Variants in LRIG1 observed in about 807,000 individuals in gnomAD.
LRIG1 encodes leucine rich repeats and immunoglobulin like domains 1.
LRIG1 carries 48 observed loss-of-function variants against 99.2 expected under a neutral mutation model. The observed-to-expected ratio is 0.48, with a 90% CI of 0.38 to 0.62. The LOEUF is 0.62. LRIG1 is among the 20% of genes least tolerant of loss of function. The probability of loss-of-function intolerance (pLI) is 0.00; values close to 1 mark genes in which losing one functional copy is unlikely to be tolerated. For missense variants in LRIG1, 1,646 were observed against 1,434.4 expected (o/e 1.15, Z -2.38); for synonymous variants, 772 against 596.1 (o/e 1.29, Z -4.30).
chr3:66,497,256 C>G (rs976546980), intron 1 of LRIG1, among the ~76,000 whole-genome samples: 6 of 152,220 alleles, frequency 3.9e-5, no homozygotes, highest in African/African-American at 1.4e-4. Context: ...AAACTAGCAA[C>G]ATTTTGTGAC....
intron 10 of LRIG1, 51 bp from the exon 11 acceptor site, chr3:66,398,234 G>C (rs78591929): frequency 7.0e-7 from 1 of 1,418,824 alleles, no homozygotes; most frequent in Non-Finnish European, 1.0e-6. Flanking sequence ...GTACACCTGA[G>C]GGGTTTTCAG....
At chr3:66,383,948 T>TCACACA (rs3830215) in intron 14 of LRIG1, 43 bp downstream of exon 14, 356,171 of 1,510,120 alleles carry the variant, frequency 0.24, 8,120 homozygotes, top group East Asian at 0.41. Flanking sequence ...TCTCTCTCGC[T>TCACACA]CACACACACA....
At chr3:66,390,346 A>T (rs1257203803) in intron 12 of LRIG1, among the ~76,000 whole-genome samples, 3 of 152,232 alleles carry the variant, frequency 2.0e-5, no homozygotes, top group African/African-American at 7.2e-5. Flanking sequence ...TGAAAATCCA[A>T]AAGTGAAATT....
At position 66,380,453 on chromosome 3, in the gene LRIG1, G is replaced by A. The variant is rs332374; in HGVS notation, c.3092C>T (p.Pro1031Leu). Residue 1031 changes from proline (P) to leucine (L), a missense_variant, in exon 19 of 19, where the codon CCG (proline) becomes CTG (leucine). Coordinates refer to ENST00000273261, the MANE Select transcript of LRIG1 (RefSeq NM_015541.3). ...TGCAGGCTGTAGCTCTGTGGAGTCCGGGTGATACAACCTTGCTAAAGTCCA... is the reference window on the plus strand; with the variant it reads ...TGCAGGCTGTAGCTCTGTGGAGTCCAGGTGATACAACCTTGCTAAAGTCCA... ...SSWTLARLYHPDSTELQPASS... is the reference protein window; with the variant it reads ...SSWTLARLYHLDSTELQPASS... 6.0e-5 allele frequency: 97 copies of A among 1,613,938 alleles called. No homozygotes were observed. The highest frequency in any genetic ancestry group is 1.6e-4 in the Middle Eastern group (1 of 6,084).
chr3:66,420,446 C>T (rs1025714934), intron 3 of LRIG1, among the ~76,000 whole-genome samples: 1 of 152,152 alleles, frequency 6.6e-6, no homozygotes, highest in African/African-American at 2.4e-5. Context: ...ACCATATGAT[C>T]CCACAATTCC....
intron 1 of LRIG1, among the ~76,000 whole-genome samples, chr3:66,475,433 ACT>A (rs1196605735): frequency 6.6e-6 from 1 of 152,194 alleles, no homozygotes; most frequent in East Asian, 1.9e-4. Flanking sequence ...AAAGGCAGGC[ACT>A]CAGCTATCAG....
At chr3:66,475,813 G>A (rs1483137230) in intron 1 of LRIG1, among the ~76,000 whole-genome samples, 3 of 152,216 alleles carry the variant, frequency 2.0e-5, no homozygotes, top group Non-Finnish European at 4.4e-5. Context: ...AGGGGCATGA[G>A]ACAAATGGTA....
chr3:66,389,093 A>G (rs1701515583), intron 12 of LRIG1, among the ~76,000 whole-genome samples: 1 of 152,230 alleles, frequency 6.6e-6, no homozygotes, highest in South Asian at 2.1e-4. Flanking sequence ...AACACAAAGG[A>G]ATAAAACTGG....
At position 66,381,543 on chromosome 3, in the gene LRIG1, C is replaced by G. The variant is rs1025695318; in HGVS notation, c.2706G>C (p.Ala902=). The change falls in exon 17 of 19, where the codon GCG becomes GCC. Residue 902 remains alanine, a synonymous_variant. Transcript: ENST00000273261. The part of the protein sequence containing the change: ...CRQPKLCAGS[A]YHKEPWKAME... ...TCGCTTTCCACGGCTCTTTGTGATA[C>G]GCAGACCCAGCACAGAGCTTTGGCT... 6.2e-7 allele frequency: 1 copy of G among 1,614,120 alleles called. No homozygotes were observed. Among genetic ancestry groups the G allele is most frequent in the Admixed American group, 1.7e-5 (1 of 60,028 alleles).
rs1428236133 is a variant in LRIG1, at chr3:66,500,192, G to A, written c.216C>T (p.Ser72=). ...LPGDLPSWTR[S]LNLSYNKLSE... is the part of the protein sequence containing the mutation. ...AGGGCGGAAAGGGCGGCACTCACAGGCTCCGCGTCCAGGAGGGCAGGTCCC... is the reference window on the plus strand; with the variant it reads ...AGGGCGGAAAGGGCGGCACTCACAGACTCCGCGTCCAGGAGGGCAGGTCCC... Residue 72 remains serine, a splice_region_variant and synonymous_variant, in exon 1 of 19, where the codon AGC becomes AGT. Coordinates refer to ENST00000273261, the MANE Select transcript of LRIG1 (RefSeq NM_015541.3). The A allele has an allele frequency of 2.6e-6, 4 of 1,515,314 alleles. No homozygotes were observed. The highest frequency in any genetic ancestry group is 2.3e-4 in the Middle Eastern group (1 of 4,302). 93.9% of individuals were successfully genotyped at this position (1,515,314 alleles called of 1,614,324 possible).
At chr3:66,404,796 A>G (rs1229121419) in intron 9 of LRIG1, among the ~76,000 whole-genome samples, 1 of 152,214 alleles carries the variant, frequency 6.6e-6, no homozygotes, top group East Asian at 1.9e-4. Context: ...GTTAATGACG[A>G]AAGTACTGAC....
intron 5 of LRIG1, among the ~76,000 whole-genome samples, chr3:66,414,115 C>T (rs888434218): frequency 1.3e-5 from 2 of 152,076 alleles, no homozygotes; most frequent in Admixed American, 6.5e-5. Context: ...AATAATAAAT[C>T]GGCCGGGTGC....
intron 11 of LRIG1, among the ~76,000 whole-genome samples, chr3:66,394,738 G>T (rs1701776251): frequency 6.6e-6 from 1 of 152,060 alleles, no homozygotes; most frequent in African/African-American, 2.4e-5. Flanking sequence ...TTTGCCTCAT[G>T]GCTGTTCCTT....
At chr3:66,390,463 A>C (rs1473749492) in intron 12 of LRIG1, among the ~76,000 whole-genome samples, 1 of 152,240 alleles carries the variant, frequency 6.6e-6, no homozygotes, top group Non-Finnish European at 1.5e-5. Context: ...AGAAATTTTT[A>C]AGAAGCTAAG....
intron 2 of LRIG1, among the ~76,000 whole-genome samples, chr3:66,456,212 G>T (rs1014407739): frequency 6.6e-6 from 1 of 152,184 alleles, no homozygotes; most frequent in African/African-American, 2.4e-5. Flanking sequence ...CAGCTTTGTA[G>T]GGTTTTGGGA....
chr3:66,414,022 G>C (rs778763627), intron 5 of LRIG1, among the ~76,000 whole-genome samples: 1 of 151,932 alleles, frequency 6.6e-6, no homozygotes, highest in African/African-American at 2.4e-5. Flanking sequence ...GGTTAACAGA[G>C]CTTTACTTGA....
At chr3:66,438,919 T>C (rs1204216228) in intron 3 of LRIG1, among the ~76,000 whole-genome samples, 1 of 152,204 alleles carries the variant, frequency 6.6e-6, no homozygotes, top group Non-Finnish European at 1.5e-5. Context: ...CTCTGCCATA[T>C]CACCATTTCC....
intron 6 of LRIG1, among the ~76,000 whole-genome samples, chr3:66,410,978 T>G (rs1460438417): frequency 6.6e-6 from 1 of 152,234 alleles, no homozygotes; most frequent in Non-Finnish European, 1.5e-5. Flanking sequence ...TACCTGGATT[T>G]AAATCCTAAT....
At chr3:66,498,896 T>C (rs1422100873) in intron 1 of LRIG1, among the ~76,000 whole-genome samples, 1 of 152,202 alleles carries the variant, frequency 6.6e-6, no homozygotes, top group African/African-American at 2.4e-5. Flanking sequence ...TTTTCTTCCC[T>C]TCACGGTAGT....
Sources: allele counts gnomAD v4.1 joint callset (sites outside exome capture counted in the v4.1 genomes callset), GRCh38; gene constraint gnomAD v4.1.1; transcripts MANE v1.5; gene names NCBI Gene and HGNC (gene_info 2026-07-23, HGNC 2026-07-21).